The following GNG12 variants were observed in gnomAD, a reference collection of about 807,000 sequenced individuals.
The protein encoded by GNG12 is G protein subunit gamma 12.
For missense variants in GNG12, 69 were observed against 83.8 expected, an observed-to-expected ratio of 0.82 and a Z score of 0.69; for synonymous variants, 28 against 29.7, an observed-to-expected ratio of 0.94 and a Z score of 0.19.
At chr1:67,821,524 A>G (rs1489847800) in intron 1 of GNG12, among the ~76,000 whole-genome samples, 2 of 152,178 alleles carry the variant, frequency 1.3e-5, no homozygotes, top group Non-Finnish European at 2.9e-5. Context: ...GTCTACCCAC[A>G]ACCTAAATGA....
intron 1 of GNG12, among the ~76,000 whole-genome samples, chr1:67,780,605 G>C (rs1646732371): frequency 6.6e-6 from 1 of 152,140 alleles, no homozygotes; most frequent in African/African-American, 2.4e-5. Flanking sequence ...AGGAGCCAAG[G>C]CTATCAACCC....
At chr1:67,728,785 T>A (rs1422327014) in intron 2 of GNG12, among the ~76,000 whole-genome samples, 1 of 152,238 alleles carries the variant, frequency 6.6e-6, no homozygotes, top group East Asian at 1.9e-4. Context: ...GAAAATAGTG[T>A]TAATGAATGT....
chr1:67,775,352 A>T lies in GNG12; in HGVS notation c.-27+2106T>A, dbSNP rs529109621. The stretch of plus-strand genomic sequence containing the variant: ...TTCCCATAACAAGTGGTTGCCAACT[A>T]GAGTGCAATCACATCAGAATCATCA... On this transcript the variant is annotated intron_variant, in intron 2 of 3. Transcript: ENST00000370982. 7.1e-4 allele frequency among the ~76,000 whole-genome samples: 108 copies of T among 152,388 alleles called. 1 individual carries two copies. Among genetic ancestry groups the T allele is most frequent in the African/African-American group, 2.5e-3 (102 of 41,594 alleles).
At chr1:67,818,413 GTTTTTT>G (rs1163831257) in intron 1 of GNG12, among the ~76,000 whole-genome samples, 1,692 of 83,902 alleles carry the variant, frequency 0.02, 44 homozygotes, top group African/African-American at 0.067. Flanking sequence ...AAGACCAGGG[GTTTTTT>G]TTTTTTTTTT....
chr1:67,737,027 C>T (rs904858772), intron 2 of GNG12, among the ~76,000 whole-genome samples: 2 of 152,146 alleles, frequency 1.3e-5, no homozygotes, highest in African/African-American at 4.8e-5. Context: ...TGAATATAAA[C>T]CAAGAATTGT....
At chr1:67,715,707 C>A (rs1042349057) in intron 2 of GNG12, among the ~76,000 whole-genome samples, 1 of 152,150 alleles carries the variant, frequency 6.6e-6, no homozygotes, top group Non-Finnish European at 1.5e-5. Flanking sequence ...GCTCCTCCAG[C>A]CCCTTCCAAT....
intron 2 of GNG12, among the ~76,000 whole-genome samples, chr1:67,763,106 A>AGAGG (rs1553157328): frequency 4.6e-5 from 7 of 151,062 alleles, no homozygotes; most frequent in Non-Finnish European, 8.8e-5. Context: ...AGAGAGAGAG[A>AGAGG]GAGAGAGAGA....
chr1:67,739,962 A>G (rs1041423567), intron 2 of GNG12, among the ~76,000 whole-genome samples: 7 of 152,260 alleles, frequency 4.6e-5, no homozygotes, highest in African/African-American at 1.4e-4. Context: ...GTATGTGTAT[A>G]GAGATATTCA....
chr1:67,713,192 G>C (rs542348177), intron 2 of GNG12, among the ~76,000 whole-genome samples: 1 of 152,178 alleles, frequency 6.6e-6, no homozygotes, highest in Admixed American at 6.5e-5. Context: ...TGCAGATCTT[G>C]AGCCACCAAG....
intron 2 of GNG12, among the ~76,000 whole-genome samples, chr1:67,721,930 G>C (rs1646358564): frequency 1.3e-5 from 2 of 151,928 alleles, no homozygotes; most frequent in Admixed American, 6.6e-5. Flanking sequence ...CTTTACCCTG[G>C]ATATTGCCCA....
At chr1:67,742,969 G>C (rs1447157759) in intron 2 of GNG12, among the ~76,000 whole-genome samples, 1 of 152,032 alleles carries the variant, frequency 6.6e-6, no homozygotes, top group Non-Finnish European at 1.5e-5. Flanking sequence ...ATGGTATGCA[G>C]GTCTGATAAA....
intron 1 of GNG12, among the ~76,000 whole-genome samples, chr1:67,829,086 G>T (rs556639330): frequency 6.6e-6 from 1 of 152,032 alleles, no homozygotes; most frequent in East Asian, 1.9e-4. Flanking sequence ...ATATATAGGC[G>T]CATTGTGGAA....
intron 1 of GNG12, among the ~76,000 whole-genome samples, chr1:67,801,997 ATGGC>A (rs1646868718): frequency 1.3e-5 from 2 of 152,100 alleles, no homozygotes; most frequent in Admixed American, 1.3e-4. Context: ...GGGAGGAAAT[ATGGC>A]TGAGGGAAGG....
At chr1:67,732,354 A>G (rs1646424876) in intron 2 of GNG12, among the ~76,000 whole-genome samples, 1 of 152,256 alleles carries the variant, frequency 6.6e-6, no homozygotes, top group Non-Finnish European at 1.5e-5. Flanking sequence ...ATGAAATCAG[A>G]AAGTCCAGCC....
intron 1 of GNG12, among the ~76,000 whole-genome samples, chr1:67,826,832 G>T (rs1219224862): frequency 6.6e-6 from 1 of 152,180 alleles, no homozygotes; most frequent in Non-Finnish European, 1.5e-5. Flanking sequence ...TTTTTCCTCT[G>T]CAATAATTTA....
intron 2 of GNG12, among the ~76,000 whole-genome samples, chr1:67,730,640 G>A (rs1646413640): frequency 6.6e-6 from 1 of 152,190 alleles, no homozygotes; most frequent in South Asian, 2.1e-4. Flanking sequence ...TGAAGGGAAA[G>A]GTGGGAAAGG....
At chr1:67,714,780 A>G (rs1646315553) in intron 2 of GNG12, among the ~76,000 whole-genome samples, 1 of 152,256 alleles carries the variant, frequency 6.6e-6, no homozygotes, top group East Asian at 1.9e-4. Flanking sequence ...ACTCGGAGAC[A>G]GGGTCTTTAA....
At chr1:67,738,547 C>T (rs984335133) in intron 2 of GNG12, among the ~76,000 whole-genome samples, 1 of 152,160 alleles carries the variant, frequency 6.6e-6, no homozygotes, top group Non-Finnish European at 1.5e-5. Flanking sequence ...CTCTACCTGA[C>T]CTCTCAACAT....
At chr1:67,759,011 CA>C (rs1057377937) in intron 2 of GNG12, among the ~76,000 whole-genome samples, 8 of 152,012 alleles carry the variant, frequency 5.3e-5, no homozygotes, top group Admixed American at 5.2e-4. Flanking sequence ...TTGTATATTT[CA>C]AAACAGCTAA....
Sources: allele counts gnomAD v4.1 joint callset (sites outside exome capture counted in the v4.1 genomes callset), GRCh38; gene constraint gnomAD v4.1.1; transcripts MANE v1.5; gene names NCBI Gene and HGNC (gene_info 2026-07-23, HGNC 2026-07-21).